MEMO1: variants seen among roughly 807,000 people sequenced by gnomAD.
MEMO1 encodes protein MEMO1.
In MEMO1, 6 loss-of-function variants were observed where a neutral mutation model predicts 45.2. The ratio of observed to expected loss-of-function variants is 0.13; its 90% CI spans 0.07 to 0.26. The LOEUF is 0.26. Ranked by LOEUF, MEMO1 falls within the 10% of genes least tolerant of loss-of-function variation. The pLI, the probability that MEMO1 is intolerant of heterozygous loss-of-function variation, is 1.00. For synonymous variants in MEMO1, 78 were observed against 124.3 expected, an observed-to-expected ratio of 0.63 and a Z score of 2.48; for missense variants, 184 against 370.5, an observed-to-expected ratio of 0.50 and a Z score of 4.13.
intron 2 of MEMO1, among the ~76,000 whole-genome samples, chr2:31,955,618 C>CT (rs1012416129): frequency 2.7e-5 from 4 of 150,666 alleles, no homozygotes; most frequent in African/African-American, 9.7e-5. Context: ...CTTTTTTTTT[C>CT]TTTTTTTGTG....
intron 6 of MEMO1, among the ~76,000 whole-genome samples, chr2:31,916,989 T>C (rs950071013): frequency 1.3e-5 from 2 of 152,280 alleles, no homozygotes. Flanking sequence ...ATAATCCATC[T>C]GAATATTATG....
At chr2:31,949,642 C>CAA (rs549686329) in intron 2 of MEMO1, among the ~76,000 whole-genome samples, 30,194 of 108,738 alleles carry the variant, frequency 0.28, 5,127 homozygotes, top group East Asian at 0.45. Flanking sequence ...TTAATGGGTA[C>CAA]AAAAAAAAAA....
intron 2 of MEMO1, among the ~76,000 whole-genome samples, chr2:32,008,593 A>G (rs537949999): frequency 6.6e-6 from 1 of 152,282 alleles, no homozygotes; most frequent in South Asian, 2.1e-4. Flanking sequence ...AGAGAGGAAA[A>G]AAAAAACCAC....
chr2:31,927,952 ATATC>A (rs1255759038), intron 4 of MEMO1, among the ~76,000 whole-genome samples: 3 of 152,166 alleles, frequency 2.0e-5, no homozygotes, highest in Non-Finnish European at 4.4e-5. Context: ...CATATGCTTA[ATATC>A]TATCTCACCT....
At chr2:31,901,376 A>G (rs1271912967) in intron 6 of MEMO1, among the ~76,000 whole-genome samples, 1 of 114,998 alleles carries the variant, frequency 8.7e-6, no homozygotes, top group Non-Finnish European at 1.9e-5. Context: ...CTGTCTCACA[A>G]AAAAAAAAAA....
intron 6 of MEMO1, among the ~76,000 whole-genome samples, chr2:31,897,791 G>T (rs1275195754): frequency 1.3e-5 from 2 of 152,168 alleles, no homozygotes; most frequent in African/African-American, 4.8e-5. Context: ...CAGAAGGAAT[G>T]GTACCAGCTC....
chr2:31,899,357 A>ACAGAGGCCTCAGAAATAATGCCACTC (rs1678410688), intron 6 of MEMO1, among the ~76,000 whole-genome samples: 1 of 152,202 alleles, frequency 6.6e-6, no homozygotes. Flanking sequence ...ATGGAACAGA[A>ACAGAGGCCTCAGAAATAATGCCACTC]CAGAGGCCTC....
chr2:31,973,386 G>A (rs576383063), intron 2 of MEMO1, among the ~76,000 whole-genome samples: 153 of 152,074 alleles, frequency 1.0e-3, no homozygotes, highest in African/African-American at 3.3e-3. Context: ...CCCAGGAGAC[G>A]GAGGTTGCAG....
intron 2 of MEMO1, among the ~76,000 whole-genome samples, chr2:31,970,743 C>G (rs924986731): frequency 6.6e-6 from 1 of 152,132 alleles, no homozygotes; most frequent in Non-Finnish European, 1.5e-5. Context: ...GTGGCTCACG[C>G]CTGTAATCCC....
At chr2:31,999,151 A>C (rs939752273) in intron 2 of MEMO1, among the ~76,000 whole-genome samples, 3 of 152,006 alleles carry the variant, frequency 2.0e-5, no homozygotes, top group Non-Finnish European at 4.4e-5. Flanking sequence ...ACTTCTCACC[A>C]TCTCCACTGT....
Position 31,926,277 on chromosome 2 carries a change from T to A in MEMO1, c.213-5367A>T, listed in dbSNP as rs1683095611. ...GTCCTAGCTACTCAGAAGGCTGGAA[T>A]AGGAGGATCACTTGAGCCTGGGAAT... On this transcript the variant is annotated intron_variant, in intron 4 of 9. Coordinates refer to ENST00000404530, the MANE Select transcript of MEMO1 (RefSeq NM_001301833.4). Among the ~76,000 whole-genome samples, 7 of 150,380 alleles carry A rather than the reference T, an allele frequency of 4.7e-5. No individual in the cohort carries two copies. In the South Asian group the frequency reaches 1.3e-3, roughly 27 times the overall value.
In MEMO1 at chr2:32,010,958, T is replaced by C. The variant is rs543865463; in HGVS notation, c.-34A>G. The C allele has an allele frequency of 6.6e-6, 1 of 152,462 alleles. No individual in the cohort carries two copies. The highest frequency in any genetic ancestry group is 2.4e-5 in the African/African-American group (1 of 41,568). 9.4% of individuals were successfully genotyped at this position (152,462 alleles called of 1,614,324 possible). A position where few individuals can be genotyped will look rare whatever the true frequency, so the allele number is the denominator to read the frequency against. On this transcript the variant is annotated 5_prime_UTR_variant, in exon 1 of 10. Coordinates refer to ENST00000404530, the MANE Select transcript of MEMO1 (RefSeq NM_001301833.4). Reference sequence around the variant, plus strand: ...CTTCCTTACTCGCCACTCTAACGGGTCCTGCCCACTGAGCATGCCCAGCAC... The same window carrying C: ...CTTCCTTACTCGCCACTCTAACGGGCCCTGCCCACTGAGCATGCCCAGCAC...
chr2:31,905,460 T>A (rs1434208982), intron 6 of MEMO1, among the ~76,000 whole-genome samples: 1 of 152,184 alleles, frequency 6.6e-6, no homozygotes, highest in East Asian at 1.9e-4. Context: ...GGCATGATGA[T>A]AAGAAAGTTT....
At chr2:31,898,145 T>A (rs1316206026) in intron 6 of MEMO1, among the ~76,000 whole-genome samples, 1 of 152,006 alleles carries the variant, frequency 6.6e-6, no homozygotes, top group Non-Finnish European at 1.5e-5. Flanking sequence ...ATCTGTTTCG[T>A]TAATCTTTTG....
In MEMO1 at chr2:31,869,966, A is replaced by C. The variant is rs1472809173; in HGVS notation, c.658-14T>G. ...AATACTCATACCCTAAAAAAAAAAA[A>C]AAAGAAGAGGAAGAAAAAAATAAAA... On this transcript the variant is annotated splice_polypyrimidine_tract_variant and intron_variant, in intron 8 of 9. Coordinates refer to ENST00000404530, the MANE Select transcript of MEMO1 (RefSeq NM_001301833.4). The C allele has an allele frequency of 6.8e-7, 1 of 1,462,014 alleles. No individual in the cohort carries two copies. Among genetic ancestry groups the C allele is most frequent in the Non-Finnish European group, 9.1e-7 (1 of 1,104,878 alleles). The allele number at this position is 1,462,014 out of a possible 1,614,324, so 90.6% of individuals were successfully genotyped here. A position where few individuals can be genotyped will look rare whatever the true frequency, so the allele number is the denominator to read the frequency against.
intron 3 of MEMO1, among the ~76,000 whole-genome samples, chr2:31,942,956 C>G (rs1337935282): frequency 4.6e-5 from 7 of 152,148 alleles, no homozygotes; most frequent in Non-Finnish European, 8.8e-5. Flanking sequence ...TACTCATTTA[C>G]TAATAATAAA....
At chr2:31,871,529 ATC>A (rs1673742727) in intron 8 of MEMO1, among the ~76,000 whole-genome samples, 1 of 148,030 alleles carries the variant, frequency 6.8e-6, no homozygotes, top group Non-Finnish European at 1.5e-5. Flanking sequence ...ATATATATAT[ATC>A]TGAAACATAG....
chr2:31,904,580 T>C (rs554873725), intron 6 of MEMO1, among the ~76,000 whole-genome samples: 3 of 152,228 alleles, frequency 2.0e-5, no homozygotes, highest in African/African-American at 7.2e-5. Context: ...CACAATAGGG[T>C]TCACACTCCT....
intron 6 of MEMO1, among the ~76,000 whole-genome samples, chr2:31,909,490 A>G (rs1680255401): frequency 6.6e-6 from 1 of 152,194 alleles, no homozygotes; most frequent in Non-Finnish European, 1.5e-5. Context: ...AGAAATCAAG[A>G]AAGCAATCCC....
Sources: allele counts gnomAD v4.1 joint callset (sites outside exome capture counted in the v4.1 genomes callset), GRCh38; gene constraint gnomAD v4.1.1; transcripts MANE v1.5; gene names NCBI Gene and HGNC (gene_info 2026-07-23, HGNC 2026-07-21).